Variants in PSME4 observed in about 807,000 individuals in gnomAD.
PSME4 encodes the protein proteasome activator complex subunit 4.
In PSME4, 89 loss-of-function variants were observed where a neutral mutation model predicts 253.9. The ratio of observed to expected loss-of-function variants is 0.35; its 90% confidence interval spans 0.30 to 0.42. The LOEUF is 0.42. Among genes scored for constraint, PSME4 ranks in the 10% least tolerant of loss-of-function variants. The probability of loss-of-function intolerance (pLI) is 1.00; values close to 1 mark genes in which losing one functional copy is unlikely to be tolerated. For missense variants in PSME4, 2,014 were observed against 2,195.2 expected (o/e 0.92, Z 1.65); for synonymous variants, 851 against 759.2 (o/e 1.12, Z -1.99).
intron 20 of PSME4, among the ~76,000 whole-genome samples, chr2:53,916,183 G>C (rs1433735640): frequency 1.3e-5 from 2 of 149,070 alleles, no homozygotes; most frequent in Non-Finnish European, 3.0e-5. Flanking sequence ...GGAGGTGGAG[G>C]TCGCAGTGAG....
chr2:53,934,622 A>T lies in PSME4; in HGVS notation c.940T>A (p.Trp314Arg). Residue 314 changes from tryptophan (W) to arginine (R), a missense_variant, in exon 8 of 47, where the codon TGG becomes AGG. Transcript: ENST00000404125. ...TTACAAACCATCATGGCGGTGATCC[A>T]TATTACAGCATGTCCTATATCATAA... Reference protein sequence around the residue: ...NAYDIGHAVIWITAMMGGPSK... With the variant: ...NAYDIGHAVIRITAMMGGPSK... 6.2e-7 allele frequency: 1 copy of T among 1,612,580 alleles called. No individual in the cohort carries two copies. The highest frequency in any genetic ancestry group is 8.5e-7 in the Non-Finnish European group (1 of 1,179,004).
intron 1 of PSME4, among the ~76,000 whole-genome samples, chr2:53,951,877 G>GT (rs1670013227): frequency 6.6e-6 from 1 of 152,234 alleles, no homozygotes; most frequent in Admixed American, 6.5e-5. Flanking sequence ...CCCTAAAATG[G>GT]TAACGCACGT....
chr2:53,905,585 C>T (rs1680619210), intron 26 of PSME4, among the ~76,000 whole-genome samples: 1 of 152,044 alleles, frequency 6.6e-6, no homozygotes, highest in East Asian at 1.9e-4. Context: ...GCCTGTAATC[C>T]CAGCTATTTG....
intron 1 of PSME4, among the ~76,000 whole-genome samples, chr2:53,968,583 C>T (rs1022442257): frequency 3.9e-5 from 6 of 152,182 alleles, no homozygotes; most frequent in Non-Finnish European, 7.3e-5. Context: ...CACAACATGT[C>T]CCACCGCATT....
chr2:53,948,309 C>A, intron 3 of PSME4, 112 bp downstream of exon 3: 2 of 724,484 alleles, frequency 2.8e-6, no homozygotes, highest in South Asian at 1.7e-5. Flanking sequence ...GAAATAGGCA[C>A]ATTAAAATAT....
chr2:53,944,347 TG>T (rs1166145002), intron 3 of PSME4, among the ~76,000 whole-genome samples: 2 of 151,538 alleles, frequency 1.3e-5, no homozygotes, highest in East Asian at 3.9e-4. Flanking sequence ...TTAGTAGAGA[TG>T]GGGGTTTCAC....
intron 14 of PSME4, 74 bp from the exon 15 acceptor site, chr2:53,923,493 G>A (rs543047859): frequency 2.1e-6 from 3 of 1,445,924 alleles, no homozygotes; most frequent in East Asian, 2.6e-5. Flanking sequence ...AAAAGAAAAT[G>A]ATAAATATAT....
intron 41 of PSME4, among the ~76,000 whole-genome samples, chr2:53,880,844 T>C (rs1187480249): frequency 6.6e-6 from 1 of 152,176 alleles, no homozygotes; most frequent in East Asian, 1.9e-4. Flanking sequence ...GGTCATTTTA[T>C]TCACACTCAC....
At position 53,967,649 on chromosome 2, in the gene PSME4, C is replaced by CAA. The variant is rs71408747; in HGVS notation, c.242+2892_242+2893dup. Among the ~76,000 whole-genome samples the CAA allele has an allele frequency of 4.3e-3, 93 of 21,556 alleles. 7 individuals are homozygous for CAA. The highest frequency in any genetic ancestry group is 9.9e-3 in the African/African-American group (53 of 5,328). 14.1% of individuals were successfully genotyped at this position (21,556 alleles called of 152,430 possible). A position where few individuals can be genotyped will look rare whatever the true frequency, so the allele number is the denominator to read the frequency against. On this transcript the variant is annotated intron_variant, in intron 1 of 46. Transcript: ENST00000404125. ...TCTGGGCAACAGAGTGAGATTGTCT[C>CAA]AAAAAAAAAAAAAAAAAAAAAAAAA...
At chr2:53,906,508 TATTTAA>T in intron 26 of PSME4, 84 bp downstream of exon 26, 1 of 1,393,820 alleles carries the variant, frequency 7.2e-7, no homozygotes. Flanking sequence ...TGGGTGAAAT[TATTTAA>T]ACTCTCTTCT....
Position 53,895,593 on chromosome 2 carries a change from T to C in PSME4, c.3832A>G (p.Thr1278Ala). 6 of 1,611,292 alleles carry C rather than the reference T, an allele frequency of 3.7e-6. No homozygotes were observed. Among genetic ancestry groups the C allele is most frequent in the South Asian group, 1.1e-5 (1 of 90,466 alleles). ...CAGTAAGTTACTTACTTTGGCCAGGTGTAGTATCCCCAGTGAGTTTTTTCC... is the reference window on the plus strand; with the variant it reads ...CAGTAAGTTACTTACTTTGGCCAGGCGTAGTATCCCCAGTGAGTTTTTTCC... Reference protein sequence around the residue: ...FVEKTHWGYYTWPKNMVVYAG... With the variant: ...FVEKTHWGYYAWPKNMVVYAG... The change falls in exon 33 of 47, where the codon ACC becomes GCC. Residue 1278 changes from threonine (T) to alanine (A), a missense_variant. Physicochemically the swap from Thr to Ala is moderately conservative, Grantham distance 58 (BLOSUM62 0). Transcript: ENST00000404125.
chr2:53,930,439 T>C (rs577451664), intron 10 of PSME4, among the ~76,000 whole-genome samples: 2 of 152,328 alleles, frequency 1.3e-5, no homozygotes, highest in Non-Finnish European at 2.9e-5. Flanking sequence ...TGGCTTCTGC[T>C]ACTCTGTGGA....
intron 10 of PSME4, among the ~76,000 whole-genome samples, chr2:53,928,534 G>A (rs1365121637): frequency 3.3e-5 from 5 of 152,072 alleles, no homozygotes; most frequent in African/African-American, 7.2e-5. Flanking sequence ...TCCTGAGAAC[G>A]AGAGACCATA....
chr2:53,920,330 G>C lies in PSME4; in HGVS notation c.2283C>G (p.Asp761Glu). The change falls in exon 19 of 47, where the codon GAC becomes GAG. Residue 761 changes from aspartate to glutamate, a missense_variant. Transcript: ENST00000404125. ...GCCACTGGATTCCCAGATTCCACAA[G>C]TCCCCGGGTTTGCCCCAGTCCTAGA... Reference protein sequence around the residue: ...FPIKDWGKPGDLWNLGIQWHV... With the variant: ...FPIKDWGKPGELWNLGIQWHV... The C allele has an allele frequency of 6.2e-7, 1 of 1,613,136 alleles. No homozygotes were observed. Among genetic ancestry groups the C allele is most frequent in the Non-Finnish European group, 8.5e-7 (1 of 1,179,484 alleles).
At chr2:53,931,750 G>A (rs1573318313) in intron 10 of PSME4, 85 bp downstream of exon 10, 1 of 1,428,234 alleles carries the variant, frequency 7.0e-7, no homozygotes, top group African/African-American at 1.4e-5. Flanking sequence ...AAGCAAAACA[G>A]AAGCCACAGA....
intron 40 of PSME4, 115 bp downstream of exon 40, chr2:53,887,144 C>G (rs752407985): frequency 1.2e-4 from 113 of 923,630 alleles, no homozygotes; most frequent in Non-Finnish European, 1.7e-4. Context: ...ATGGTTAAAA[C>G]AGTAAATTTT....
intron 1 of PSME4, among the ~76,000 whole-genome samples, chr2:53,967,340 T>C (rs1670782646): frequency 1.3e-5 from 2 of 151,916 alleles, no homozygotes; most frequent in South Asian, 4.1e-4. Context: ...TGGACTGAAC[T>C]ACTAAAAATG....
At chr2:53,935,653 T>C (rs1277748097) in intron 7 of PSME4, among the ~76,000 whole-genome samples, 1 of 152,200 alleles carries the variant, frequency 6.6e-6, no homozygotes, top group Non-Finnish European at 1.5e-5. Flanking sequence ...ATATACTTAG[T>C]ACTTTCCAAA....
intron 21 of PSME4, among the ~76,000 whole-genome samples, 154 bp from the exon 22 acceptor site, chr2:53,908,994 A>G (rs566874387): frequency 6.6e-6 from 1 of 152,280 alleles, no homozygotes. Context: ...TAGGCATGCT[A>G]CAGCAACTTC....
Sources: allele counts gnomAD v4.1 joint callset (sites outside exome capture counted in the v4.1 genomes callset), GRCh38; gene constraint gnomAD v4.1.1; transcripts MANE v1.5; gene names NCBI Gene and HGNC (gene_info 2026-07-23, HGNC 2026-07-21).